PRDM16: variants seen among roughly 807,000 people sequenced by gnomAD.
The protein encoded by PRDM16 is PR/SET domain 16, also known as histone-lysine N-methyltransferase PRDM16.
In PRDM16, 23 loss-of-function variants were observed where a neutral mutation model predicts 110.6. The ratio of observed to expected loss-of-function variants is 0.21; its 90% CI spans 0.15 to 0.29. The LOEUF is 0.29. Among genes scored for constraint, PRDM16 ranks in the 10% least tolerant of loss-of-function variants. The pLI is 1.00. For missense variants in PRDM16, 1,615 were observed against 1,794.3 expected (o/e 0.90, Z 1.81); for synonymous variants, 799 against 781.8 (o/e 1.02, Z -0.37).
chr1:3,310,542 C>T (rs1641426408), intron 3 of PRDM16, among the ~76,000 whole-genome samples: 1 of 152,116 alleles, frequency 6.6e-6, no homozygotes, highest in Non-Finnish European at 1.5e-5. Context: ...GTTGGGCTCC[C>T]CAGGGACACA....
intron 3 of PRDM16, among the ~76,000 whole-genome samples, chr1:3,381,712 A>T (rs578189409): frequency 6.6e-6 from 1 of 152,274 alleles, no homozygotes; most frequent in East Asian, 1.9e-4. Context: ...TTGAGTCAAC[A>T]ACCAGGCCCC....
chr1:3,370,428 T>C lies in PRDM16; in HGVS notation c.439-14724T>C, dbSNP rs1241195210. Among the ~76,000 whole-genome samples, 4 of 152,114 alleles carry C rather than the reference T, an allele frequency of 2.6e-5. No homozygotes were observed. Among genetic ancestry groups the C allele is most frequent in the Admixed American group, 2.0e-4 (3 of 15,278 alleles). On this transcript the variant is annotated intron_variant, in intron 3 of 16. Coordinates refer to ENST00000270722, the MANE Select transcript of PRDM16 (RefSeq NM_022114.4). The surrounding 1 kb of genome is among the most constrained non-coding windows in gnomAD (Gnocchi z 4.8). Reference sequence around the variant, plus strand: ...GAGTGCTGGCTGACAGTCTCAGTCATCTGGAGGCGCCTTCATTCATTCATT... The same window carrying C: ...GAGTGCTGGCTGACAGTCTCAGTCACCTGGAGGCGCCTTCATTCATTCATT...
At chr1:3,204,767 T>C (rs1638714082) in intron 2 of PRDM16, among the ~76,000 whole-genome samples, 1 of 152,162 alleles carries the variant, frequency 6.6e-6, no homozygotes, top group Admixed American at 6.5e-5. Flanking sequence ...CGGCTGTGGG[T>C]TGCTCACCCT....
intron 3 of PRDM16, among the ~76,000 whole-genome samples, chr1:3,378,172 A>T (rs1643028216): frequency 6.6e-6 from 1 of 152,174 alleles, no homozygotes; most frequent in African/African-American, 2.4e-5. Context: ...GCGACCTTGG[A>T]CACCACCTCC....
intron 1 of PRDM16, among the ~76,000 whole-genome samples, chr1:3,094,875 G>A (rs1244060015): frequency 1.4e-5 from 2 of 146,856 alleles, no homozygotes; most frequent in Non-Finnish European, 1.5e-5. Flanking sequence ...CTGCATGAGT[G>A]CCAGGTGTGT....
rs1644071451 is a variant in PRDM16 at position 3,175,219 on chromosome 1, A to C, written c.38-10906A>C. 6.6e-6 allele frequency among the ~76,000 whole-genome samples: 1 copy of C among 152,218 alleles called. No individual in the cohort carries two copies. Among genetic ancestry groups the C allele is most frequent in the Non-Finnish European group, 1.5e-5 (1 of 68,044 alleles). Reference sequence around the variant, plus strand: ...CAGTTCCCAAGTTTCTCTTTCTAGCAAACTGTTTTTGGGAAGGGGCCTTCA... The same window carrying C: ...CAGTTCCCAAGTTTCTCTTTCTAGCCAACTGTTTTTGGGAAGGGGCCTTCA... On this transcript the variant is annotated intron_variant, in intron 1 of 16. Coordinates refer to ENST00000270722, the MANE Select transcript of PRDM16 (RefSeq NM_022114.4). This position sits in a 1 kb window ranked among gnomAD's most constrained non-coding sequence, Gnocchi z 4.8.
At chr1:3,123,482 G>C (rs1643139782) in intron 1 of PRDM16, among the ~76,000 whole-genome samples, 1 of 152,204 alleles carries the variant, frequency 6.6e-6, no homozygotes, top group African/African-American at 2.4e-5. Flanking sequence ...TCCTGGAGGA[G>C]GGGGCAGCCA....
chr1:3,343,694 T>G (rs1441874305), intron 3 of PRDM16, among the ~76,000 whole-genome samples: 2 of 151,988 alleles, frequency 1.3e-5, no homozygotes, highest in African/African-American at 4.8e-5. Context: ...AGTGCAGTGG[T>G]GCAATCTCAG....
In PRDM16 at chr1:3,290,862, C is replaced by G. The variant is rs1640956603; in HGVS notation, c.438+46725C>G. On this transcript the variant is annotated intron_variant, in intron 3 of 16. Coordinates refer to ENST00000270722, the MANE Select transcript of PRDM16 (RefSeq NM_022114.4). The surrounding 1 kb of genome is among the most constrained non-coding windows in gnomAD (Gnocchi z 4.8). ...CTCTGTTTGGGAAGGGCCCGGAGCACTGGGGGCCCGAGGTATCTTTCAAAG... is the reference window on the plus strand; with the variant it reads ...CTCTGTTTGGGAAGGGCCCGGAGCAGTGGGGGCCCGAGGTATCTTTCAAAG... Among the ~76,000 whole-genome samples the G allele has an allele frequency of 6.6e-6, 1 of 151,892 alleles. No individual in the cohort carries two copies. The highest frequency in any genetic ancestry group is 2.4e-5 in the African/African-American group (1 of 41,362).
intron 1 of PRDM16, among the ~76,000 whole-genome samples, chr1:3,096,437 T>C (rs1642402228): frequency 6.6e-6 from 1 of 152,118 alleles, no homozygotes; most frequent in African/African-American, 2.4e-5. Context: ...AATGAGGTCA[T>C]GGGAGGGGAG....
intron 8 of PRDM16, among the ~76,000 whole-genome samples, chr1:3,410,553 CGAGTTGGGG>C: frequency 6.6e-6 from 1 of 152,306 alleles, no homozygotes; most frequent in East Asian, 1.9e-4. Context: ...CCGGGATCCC[CGAGTTGGGG>C]CCTCCTGAGA....
rs571634093 is a variant in PRDM16 at position 3,274,966 on chromosome 1, C to T, written c.438+30829C>T. 5.3e-5 allele frequency among the ~76,000 whole-genome samples: 8 copies of T among 152,248 alleles called. No homozygotes were observed. In the South Asian group the frequency reaches 6.2e-4, roughly 12 times the overall value. On this transcript the variant is annotated intron_variant, in intron 3 of 16. Coordinates refer to ENST00000270722, the MANE Select transcript of PRDM16 (RefSeq NM_022114.4). Reference sequence around the variant, plus strand: ...TGCACAGATATGCTGGGAACTTGCTCGAGATTTGAGAAGGGTGTTGTGAAT... The same window carrying T: ...TGCACAGATATGCTGGGAACTTGCTTGAGATTTGAGAAGGGTGTTGTGAAT...
intron 1 of PRDM16, among the ~76,000 whole-genome samples, chr1:3,111,627 G>A (rs1642796841): frequency 6.6e-6 from 1 of 152,090 alleles, no homozygotes; most frequent in South Asian, 2.1e-4. Flanking sequence ...GCACGGAAAG[G>A]AGGCGCAGGT....
chr1:3,323,654 C>T (rs1003297628), intron 3 of PRDM16, among the ~76,000 whole-genome samples: 3 of 152,244 alleles, frequency 2.0e-5, no homozygotes, highest in Non-Finnish European at 1.5e-5. Context: ...TAAAAAGCAC[C>T]GACAAAGGCG....
At chr1:3,398,403 A>G (rs528831002) in intron 5 of PRDM16, among the ~76,000 whole-genome samples, 13 of 152,302 alleles carry the variant, frequency 8.5e-5, no homozygotes, top group South Asian at 2.1e-4. Context: ...TGCCTCCCCA[A>G]TAGCCGCCTC....
chr1:3,319,105 C>G (rs1641680976), intron 3 of PRDM16, among the ~76,000 whole-genome samples: 2 of 152,112 alleles, frequency 1.3e-5, no homozygotes, highest in African/African-American at 4.8e-5. Context: ...ACCCAGGGAG[C>G]AAAAACACTT....
chr1:3,218,456 A>T (rs1569864611), intron 2 of PRDM16, among the ~76,000 whole-genome samples: 1 of 152,178 alleles, frequency 6.6e-6, no homozygotes, highest in East Asian at 1.9e-4. Context: ...GCCATGACAC[A>T]CTTGGGCACA....
rs529118527 is a variant in PRDM16, at chr1:3,350,454, G to A, written c.439-34698G>A. Among the ~76,000 whole-genome samples, 1 of 152,304 alleles carries A rather than the reference G, an allele frequency of 6.6e-6. No homozygotes were observed. The highest frequency in any genetic ancestry group is 1.5e-5 in the Non-Finnish European group (1 of 68,008). On this transcript the variant is annotated intron_variant, in intron 3 of 16. Coordinates refer to ENST00000270722, the MANE Select transcript of PRDM16 (RefSeq NM_022114.4). This position sits in a 1 kb window ranked among gnomAD's most constrained non-coding sequence, Gnocchi z 7.1. ...TGCTCCGTCTGTGCAGCCTGGGGCT[G>A]CAGTCAGGGTCAGGTTTGGTGACAC...
chr1:3,281,410 G>A (rs569488195), intron 3 of PRDM16, among the ~76,000 whole-genome samples: 56 of 152,358 alleles, frequency 3.7e-4, no homozygotes, highest in African/African-American at 1.3e-3. Context: ...AATCGAAATA[G>A]GGATCATTCC....
Sources: gnomAD v4.1 joint callset for allele counts (sites outside exome capture counted in the v4.1 genomes callset) on GRCh38, gnomAD v4.1.1 for gene constraint, Gnocchi (gnomAD v3.1) non-coding constraint, MANE v1.5 for transcripts, NCBI Gene and HGNC (gene_info 2026-07-23, HGNC 2026-07-21) for gene names.